Variants in ASIC2 observed in about 807,000 individuals in gnomAD.
ASIC2 encodes the protein acid sensing ion channel subunit 2.
In ASIC2, 25 loss-of-function variants were observed where a neutral mutation model predicts 57.3. That is an observed-to-expected ratio of 0.44 (90% CI 0.32 to 0.61). The LOEUF is 0.61. ASIC2 is among the 20% of genes least tolerant of loss of function. The pLI is 0.06. For missense variants in ASIC2, 641 were observed against 738.1 expected, an observed-to-expected ratio of 0.87 and a Z score of 1.52; for synonymous variants, 319 against 307.5, an observed-to-expected ratio of 1.04 and a Z score of -0.39.
chr17:33,730,827 G>A (rs1240980591), intron 1 of ASIC2, among the ~76,000 whole-genome samples: 2 of 152,194 alleles, frequency 1.3e-5, no homozygotes. Context: ...GACACTCAGA[G>A]ATTAAGAAAT....
intron 1 of ASIC2, among the ~76,000 whole-genome samples, chr17:33,157,353 TG>T: frequency 6.6e-6 from 1 of 152,314 alleles, no homozygotes; most frequent in Middle Eastern, 3.4e-3. Context: ...ATAGGCACCG[TG>T]ATGCCCATTT....
intron 1 of ASIC2, chr17:34,072,363 G>A (rs1909443908): frequency 6.6e-6 from 1 of 152,088 alleles, no homozygotes; most frequent in Admixed American, 6.6e-5. Flanking sequence ...TTGCTGTGTT[G>A]TTTTTAAAAA....
At chr17:33,427,603 G>C (rs974266332) in intron 1 of ASIC2, among the ~76,000 whole-genome samples, 10 of 152,144 alleles carry the variant, frequency 6.6e-5, no homozygotes, top group African/African-American at 1.9e-4. Flanking sequence ...GGAGTTTAAG[G>C]CTTTAAATCT....
intron 1 of ASIC2, among the ~76,000 whole-genome samples, chr17:34,114,431 C>T (rs1911368697): frequency 6.6e-6 from 1 of 152,080 alleles, no homozygotes; most frequent in Admixed American, 6.6e-5. Context: ...ATGGGGCTAG[C>T]CCTTTTCCCA....
At chr17:33,702,205 GA>G (rs1908725029) in intron 1 of ASIC2, among the ~76,000 whole-genome samples, 1 of 152,180 alleles carries the variant, frequency 6.6e-6, no homozygotes, top group African/African-American at 2.4e-5. Flanking sequence ...GTAAAATGGT[GA>G]TACCTCTCCC....
intron 1 of ASIC2, among the ~76,000 whole-genome samples, chr17:33,384,198 T>G (rs1257395822): frequency 6.6e-6 from 1 of 152,214 alleles, no homozygotes; most frequent in Non-Finnish European, 1.5e-5. Context: ...TAGGGAATGT[T>G]ACCCTGTAGA....
At chr17:33,252,237 T>G (rs1908909749) in intron 1 of ASIC2, among the ~76,000 whole-genome samples, 1 of 152,258 alleles carries the variant, frequency 6.6e-6, no homozygotes, top group African/African-American at 2.4e-5. Flanking sequence ...TCATTGCAGC[T>G]TTTTCATTTA....
intron 1 of ASIC2, among the ~76,000 whole-genome samples, chr17:33,201,916 C>T (rs1316406330): frequency 6.6e-6 from 1 of 151,460 alleles, no homozygotes; most frequent in Non-Finnish European, 1.5e-5. Context: ...CCCATGGTCC[C>T]ACCTACTCAG....
At chr17:34,043,163 T>C (rs1908200997) in intron 1 of ASIC2, among the ~76,000 whole-genome samples, 1 of 152,178 alleles carries the variant, frequency 6.6e-6, no homozygotes, top group Non-Finnish European at 1.5e-5. Flanking sequence ...CAGGGTAGGA[T>C]GGGAGCTCCA....
chr17:33,876,508 A>G (rs1263858728), intron 1 of ASIC2, among the ~76,000 whole-genome samples: 2 of 152,226 alleles, frequency 1.3e-5, no homozygotes, highest in Non-Finnish European at 1.5e-5. Flanking sequence ...TCTACTAACC[A>G]TTTACCAGGG....
At chr17:33,444,448 G>C (rs544013890) in intron 1 of ASIC2, among the ~76,000 whole-genome samples, 96 of 152,362 alleles carry the variant, frequency 6.3e-4, no homozygotes, top group Non-Finnish European at 1.2e-3. Context: ...GGGGTGCAGA[G>C]CAGTGGAGGC....
At chr17:33,143,872 T>C (rs1424087657) in intron 1 of ASIC2, among the ~76,000 whole-genome samples, 1 of 152,148 alleles carries the variant, frequency 6.6e-6, no homozygotes, top group Non-Finnish European at 1.5e-5. Context: ...TTATCTACAA[T>C]CTTTAAAAAA....
At chr17:33,353,943 A>G (rs1347579097) in intron 1 of ASIC2, among the ~76,000 whole-genome samples, 1 of 152,192 alleles carries the variant, frequency 6.6e-6, no homozygotes, top group Non-Finnish European at 1.5e-5. Flanking sequence ...GTAATTTATA[A>G]AGGAAATAGG....
chr17:33,041,921 G>C (rs1179945092), intron 3 of ASIC2, among the ~76,000 whole-genome samples: 1 of 152,126 alleles, frequency 6.6e-6, no homozygotes, highest in Non-Finnish European at 1.5e-5. Flanking sequence ...GGCCCTGTGA[G>C]GTCCCCCTGT....
chr17:34,026,356 G>T (rs80306370), intron 1 of ASIC2, among the ~76,000 whole-genome samples: 2,128 of 152,226 alleles, frequency 0.014, 35 homozygotes, highest in African/African-American at 0.042. Context: ...TAAATGTCTG[G>T]CGGCTTAGGT....
chr17:33,730,704 A>G (rs1040489780), intron 1 of ASIC2, among the ~76,000 whole-genome samples: 33 of 152,198 alleles, frequency 2.2e-4, no homozygotes, highest in African/African-American at 7.7e-4. Flanking sequence ...GAGAACTTCA[A>G]CTTGGATTTG....
At chr17:33,015,150 G>A (rs1449684996) in intron 9 of ASIC2, among the ~76,000 whole-genome samples, 1 of 152,180 alleles carries the variant, frequency 6.6e-6, no homozygotes, top group African/African-American at 2.4e-5. Context: ...AGGGAGAAGG[G>A]GCTGGGATCC....
intron 1 of ASIC2, among the ~76,000 whole-genome samples, chr17:34,078,394 C>T (rs544182368): frequency 7.0e-4 from 106 of 152,154 alleles, no homozygotes; most frequent in South Asian, 2.5e-3. Context: ...CATGAGGGGG[C>T]GAAAGAACAT....
At chr17:33,121,753 A>T (rs182173443) in intron 1 of ASIC2, among the ~76,000 whole-genome samples, 2 of 152,080 alleles carry the variant, frequency 1.3e-5, no homozygotes, top group African/African-American at 4.8e-5. Context: ...TGCTGGCTGC[A>T]TACCTACTAC....
Sources: gnomAD v4.1 joint callset for allele counts (sites outside exome capture counted in the v4.1 genomes callset) on GRCh38, gnomAD v4.1.1 for gene constraint, MANE v1.5 for transcripts, NCBI Gene and HGNC (gene_info 2026-07-23, HGNC 2026-07-21) for gene names.